TMEM178B: variants seen among roughly 807,000 people sequenced by gnomAD.
TMEM178B encodes the protein transmembrane protein 178B.
In TMEM178B, 5 loss-of-function variants were observed where a neutral mutation model predicts 31.0. The ratio of observed to expected loss-of-function variants is 0.16; its 90% CI spans 0.08 to 0.34. The LOEUF (loss-of-function observed/expected upper bound fraction) is 0.34. Among genes scored for constraint, TMEM178B ranks in the 10% least tolerant of loss-of-function variants. The probability of loss-of-function intolerance (pLI) is 1.00; values close to 1 mark genes in which losing one functional copy is unlikely to be tolerated. For missense variants in TMEM178B, 275 were observed against 400.3 expected, an observed-to-expected ratio of 0.69 and a Z score of 2.67; for synonymous variants, 164 against 164.0, an observed-to-expected ratio of 1.00 and a Z score of 0.00.
chr7:141,222,844 T>C (rs557676173), intron 2 of TMEM178B, among the ~76,000 whole-genome samples: 2 of 152,312 alleles, frequency 1.3e-5, no homozygotes, highest in East Asian at 3.9e-4. Context: ...TAGCATATTG[T>C]GAAAGGAGTT....
At chr7:141,365,073 G>C (rs1160808502) in intron 2 of TMEM178B, among the ~76,000 whole-genome samples, 1 of 152,194 alleles carries the variant, frequency 6.6e-6, no homozygotes, top group Non-Finnish European at 1.5e-5. Context: ...GACTGACTTG[G>C]GGGGCCTGTA....
At chr7:141,134,825 A>G (rs1289163274) in intron 1 of TMEM178B, among the ~76,000 whole-genome samples, 1 of 152,192 alleles carries the variant, frequency 6.6e-6, no homozygotes, top group Non-Finnish European at 1.5e-5. Flanking sequence ...GAGGGATGGA[A>G]AAAGATATTC....
At chr7:141,243,802 T>G (rs1366704628) in intron 2 of TMEM178B, among the ~76,000 whole-genome samples, 1 of 152,126 alleles carries the variant, frequency 6.6e-6, no homozygotes, top group African/African-American at 2.4e-5. Flanking sequence ...GGAAGGAAAG[T>G]AATAGTGGCG....
At chr7:141,405,215 G>C (rs1215220952) in intron 2 of TMEM178B, among the ~76,000 whole-genome samples, 2 of 152,216 alleles carry the variant, frequency 1.3e-5, no homozygotes, top group African/African-American at 4.8e-5. Flanking sequence ...GCAGCTCCTC[G>C]GACAAACTGG....
chr7:141,092,847 G>T (rs1395037920), intron 1 of TMEM178B, among the ~76,000 whole-genome samples: 1 of 152,166 alleles, frequency 6.6e-6, no homozygotes, highest in African/African-American at 2.4e-5. Flanking sequence ...TGACATTTGA[G>T]TCAAGGTCTG....
At chr7:141,190,368 C>T (rs941518699) in intron 1 of TMEM178B, among the ~76,000 whole-genome samples, 9 of 151,560 alleles carry the variant, frequency 5.9e-5, no homozygotes, top group African/African-American at 2.2e-4. Context: ...GGCTGGAGTA[C>T]AGGGGTGTGA....
Position 141,237,827 on chromosome 7 carries a change from C to T in TMEM178B, c.496+25123C>T, listed in dbSNP as rs184108221. ...TCACCTGAGGTCAGGAGCTCGAGAG[C>T]AGCCTGGCCAACATGGCGAAACCCC... On this transcript the variant is annotated intron_variant, in intron 2 of 3. Coordinates refer to ENST00000565468, the MANE Select transcript of TMEM178B (RefSeq NM_001195278.2). Among the ~76,000 whole-genome samples, 523 of 152,118 alleles carry T rather than the reference C, an allele frequency of 3.4e-3. 4 individuals carry two copies. The highest frequency in any genetic ancestry group is 0.012 in the African/African-American group (505 of 41,500).
chr7:141,398,789 C>G (rs1294158434), intron 2 of TMEM178B, among the ~76,000 whole-genome samples: 1 of 152,144 alleles, frequency 6.6e-6, no homozygotes, highest in Non-Finnish European at 1.5e-5. Context: ...TCTCCGTCTA[C>G]AGAGGAGGAA....
At chr7:141,269,253 G>T (rs1161261714) in intron 2 of TMEM178B, among the ~76,000 whole-genome samples, 1 of 151,936 alleles carries the variant, frequency 6.6e-6, no homozygotes, top group Non-Finnish European at 1.5e-5. Context: ...ACCATGCCCA[G>T]CTAATTTTTG....
At chr7:141,088,869 A>G (rs1287983858) in intron 1 of TMEM178B, among the ~76,000 whole-genome samples, 7 of 152,250 alleles carry the variant, frequency 4.6e-5, no homozygotes, top group African/African-American at 1.7e-4. Flanking sequence ...TATGCATTAT[A>G]AAACAATTCA....
At chr7:141,132,540 A>G (rs1312890568) in intron 1 of TMEM178B, among the ~76,000 whole-genome samples, 1 of 152,186 alleles carries the variant, frequency 6.6e-6, no homozygotes, top group Non-Finnish European at 1.5e-5. Context: ...GTCTGGAAAT[A>G]GCCTCTGAAA....
chr7:141,494,549 C>A, the TMEM178B span, among the ~76,000 whole-genome samples: 11 of 152,142 alleles, frequency 7.2e-5, no homozygotes, highest in African/African-American at 2.2e-4. Context: ...TTTAAAAAAT[C>A]ATATTAAAAT....
intron 2 of TMEM178B, among the ~76,000 whole-genome samples, chr7:141,231,166 C>A (rs200312069): frequency 6.6e-6 from 1 of 152,166 alleles, no homozygotes; most frequent in Admixed American, 6.5e-5. Flanking sequence ...TCCTGTTTGC[C>A]TCTGCATTTC....
intron 2 of TMEM178B, among the ~76,000 whole-genome samples, chr7:141,334,251 C>T (rs1479949363): frequency 6.6e-6 from 1 of 152,146 alleles, no homozygotes; most frequent in Non-Finnish European, 1.5e-5. Context: ...TGTTCGAGTC[C>T]TGTCTCAGCA....
chr7:141,277,553 A>C (rs1421780859), intron 2 of TMEM178B, among the ~76,000 whole-genome samples: 2 of 152,192 alleles, frequency 1.3e-5, no homozygotes, highest in Non-Finnish European at 2.9e-5. Context: ...GTTTTCAAAA[A>C]ATATATATAA....
intron 2 of TMEM178B, among the ~76,000 whole-genome samples, chr7:141,417,715 A>C (rs1208244281): frequency 6.6e-6 from 1 of 152,182 alleles, no homozygotes; most frequent in Non-Finnish European, 1.5e-5. Context: ...CCTTCCACTG[A>C]ATGTGCCTGT....
chr7:141,321,826 T>A (rs2366084), intron 2 of TMEM178B, among the ~76,000 whole-genome samples: 49,662 of 145,788 alleles, frequency 0.34, 10,482 homozygotes, highest in African/African-American at 0.6. Context: ...TGTCCAACAT[T>A]AAAAAAAAAA....
chr7:141,373,344 C>A (rs1256638840), intron 2 of TMEM178B, among the ~76,000 whole-genome samples: 1 of 152,182 alleles, frequency 6.6e-6, no homozygotes, highest in East Asian at 1.9e-4. Flanking sequence ...CAGCAAACAA[C>A]AACAACAACA....
intron 1 of TMEM178B, among the ~76,000 whole-genome samples, chr7:141,093,537 C>T (rs924306721): frequency 1.3e-5 from 2 of 152,150 alleles, no homozygotes; most frequent in East Asian, 3.8e-4. Flanking sequence ...GAGGAGTCAT[C>T]AGCTCATGGT....
Sources: allele counts gnomAD v4.1 joint callset (sites outside exome capture counted in the v4.1 genomes callset), GRCh38; gene constraint gnomAD v4.1.1; transcripts MANE v1.5; gene names NCBI Gene and HGNC (gene_info 2026-07-23, HGNC 2026-07-21).